The following JAM2 variants were observed in gnomAD, a reference collection of about 807,000 sequenced individuals.
The protein encoded by JAM2 is junctional adhesion molecule 2, also known as junctional adhesion molecule B.
A neutral mutation model predicts 42.0 loss-of-function variants in JAM2; 17 were observed. That is an observed-to-expected ratio of 0.40 (90% confidence interval 0.28 to 0.61). The LOEUF (loss-of-function observed/expected upper bound fraction) is 0.61. Ranked by LOEUF, JAM2 falls within the 20% of genes least tolerant of loss-of-function variation. JAM2 has a pLI of 0.37. For missense variants in JAM2, 319 were observed against 358.3 expected, an observed-to-expected ratio of 0.89 and a Z score of 0.89; for synonymous variants, 118 against 128.6, an observed-to-expected ratio of 0.92 and a Z score of 0.56.
At chr21:25,648,481 C>T (rs1046745576) in intron 1 of JAM2, among the ~76,000 whole-genome samples, 4 of 118,588 alleles carry the variant, frequency 3.4e-5, no homozygotes, top group Admixed American at 8.7e-5. Context: ...TGTGTGTAAA[C>T]GAGTGAACAT....
At chr21:25,684,445 CACA>C (rs2033705064) in intron 2 of JAM2, among the ~76,000 whole-genome samples, 1 of 152,190 alleles carries the variant, frequency 6.6e-6, no homozygotes, top group African/African-American at 2.4e-5. Flanking sequence ...TTGTTATATG[CACA>C]ACAATATACT....
intron 7 of JAM2, 150 bp from the exon 8 acceptor site, chr21:25,709,284 G>T: frequency 2.1e-6 from 1 of 468,442 alleles, no homozygotes. Context: ...TACCAAAAAA[G>T]TTTGCCAACT....
intron 1 of JAM2, among the ~76,000 whole-genome samples, chr21:25,678,662 C>T (rs1047063838): frequency 3.1e-4 from 47 of 152,228 alleles, no homozygotes. Flanking sequence ...AGGATCAGTT[C>T]AGTCCTGTAC....
At chr21:25,663,702 G>C (rs1033391032) in intron 1 of JAM2, among the ~76,000 whole-genome samples, 5 of 152,284 alleles carry the variant, frequency 3.3e-5, no homozygotes, top group African/African-American at 1.2e-4. Flanking sequence ...GGACTCTTCA[G>C]AGAGTCCCCA....
chr21:25,661,887 A>T (rs1324821462), intron 1 of JAM2, among the ~76,000 whole-genome samples: 1 of 151,920 alleles, frequency 6.6e-6, no homozygotes, highest in Non-Finnish European at 1.5e-5. Flanking sequence ...AGCTAACATG[A>T]GCAAAAAATT....
chr21:25,683,769 G>T, intron 1 of JAM2, 114 bp from the exon 2 acceptor site: 3 of 693,538 alleles, frequency 4.3e-6, no homozygotes, highest in South Asian at 3.6e-5. Context: ...TTATGAATTG[G>T]GTAAACTTGT....
chr21:25,700,738 ATCT>A (rs1347006645), intron 5 of JAM2, among the ~76,000 whole-genome samples: 1 of 152,172 alleles, frequency 6.6e-6, no homozygotes, highest in Non-Finnish European at 1.5e-5. Context: ...TTACAAACAG[ATCT>A]TCTGATAAAC....
intron 1 of JAM2, among the ~76,000 whole-genome samples, chr21:25,676,996 T>C (rs2033512934): frequency 6.6e-6 from 1 of 152,188 alleles, no homozygotes; most frequent in Non-Finnish European, 1.5e-5. Context: ...ATTTTAAATA[T>C]TTTTACTTAA....
chr21:25,714,577 A>G, intron 9 of JAM2, 63 bp from the exon 10 acceptor site: 1 of 999,108 alleles, frequency 1.0e-6, no homozygotes, highest in Non-Finnish European at 1.5e-6. Flanking sequence ...GATATTCATA[A>G]GATTTATGTT....
At chr21:25,668,454 C>T (rs1052578685) in intron 1 of JAM2, among the ~76,000 whole-genome samples, 4 of 152,058 alleles carry the variant, frequency 2.6e-5, no homozygotes, top group Non-Finnish European at 5.9e-5. Context: ...TGGTCAGATT[C>T]GGAATGCATT....
At chr21:25,665,211 G>A (rs1353031678) in intron 1 of JAM2, among the ~76,000 whole-genome samples, 1 of 152,218 alleles carries the variant, frequency 6.6e-6, no homozygotes, top group Non-Finnish European at 1.5e-5. Context: ...CAAGGGATAA[G>A]AAAGGCTACA....
intron 1 of JAM2, among the ~76,000 whole-genome samples, chr21:25,653,278 A>G (rs2032832469): frequency 6.6e-6 from 1 of 152,232 alleles, no homozygotes; most frequent in South Asian, 2.1e-4. Flanking sequence ...TACTTAGCAT[A>G]TAGACTATAA....
chr21:25,643,938 G>A (rs1270833973), intron 1 of JAM2: 2 of 152,166 alleles, frequency 1.3e-5, no homozygotes, highest in African/African-American at 4.8e-5. Context: ...ATAGAGGTAA[G>A]AGCTGCTAGC....
Sources: allele counts gnomAD v4.1 joint callset (sites outside exome capture counted in the v4.1 genomes callset), GRCh38; gene constraint gnomAD v4.1.1; transcripts MANE v1.5; gene names NCBI Gene and HGNC (gene_info 2026-07-23, HGNC 2026-07-21).